BAIAP2L1: variants seen among roughly 807,000 people sequenced by gnomAD.
BAIAP2L1 encodes the protein BAR/IMD domain-containing adapter protein 2-like 1.
A neutral mutation model predicts 66.3 loss-of-function variants in BAIAP2L1; 35 were observed. That is an observed-to-expected ratio of 0.53 (90% confidence interval 0.40 to 0.70). The LOEUF (loss-of-function observed/expected upper bound fraction) is 0.70. Among genes scored for constraint, BAIAP2L1 ranks in the 30% least tolerant of loss-of-function variants. The probability of loss-of-function intolerance (pLI) is 0.00; values close to 1 mark genes in which losing one functional copy is unlikely to be tolerated. For missense variants in BAIAP2L1, 622 were observed against 656.9 expected, an observed-to-expected ratio of 0.95 and a Z score of 0.58; for synonymous variants, 269 against 248.7, an observed-to-expected ratio of 1.08 and a Z score of -0.77.
intron 1 of BAIAP2L1, among the ~76,000 whole-genome samples, chr7:98,371,301 T>C (rs569953991): frequency 6.6e-6 from 1 of 152,280 alleles, no homozygotes; most frequent in Admixed American, 6.5e-5. Flanking sequence ...TGAGTTTCAT[T>C]TCCATCCAGG....
chr7:98,358,363 T>TG (rs1275854886), intron 2 of BAIAP2L1, among the ~76,000 whole-genome samples: 25 of 151,746 alleles, frequency 1.6e-4, no homozygotes, highest in East Asian at 1.5e-3. Flanking sequence ...GTTTTTTGTT[T>TG]TTTTTTTTTT....
chr7:98,386,345 T>G (rs1323956274), intron 1 of BAIAP2L1: 2 of 1,593,628 alleles, frequency 1.3e-6, no homozygotes, highest in African/African-American at 2.7e-5. Context: ...ATTTTCTAAA[T>G]GCAACTTCAT....
chr7:98,360,317 A>G (rs1444104157), intron 2 of BAIAP2L1, among the ~76,000 whole-genome samples: 3 of 152,176 alleles, frequency 2.0e-5, no homozygotes, highest in Admixed American at 6.5e-5. Context: ...TGCTGGAATT[A>G]CAGGCACGAG....
At chr7:98,368,464 G>A (rs1179534073) in intron 1 of BAIAP2L1, among the ~76,000 whole-genome samples, 4 of 151,814 alleles carry the variant, frequency 2.6e-5, no homozygotes, top group Admixed American at 1.3e-4. Context: ...AGGCCGAGGC[G>A]GGTGGATCAC....
At position 98,393,131 on chromosome 7, in the gene BAIAP2L1, A is replaced by ATATG. The variant is rs1562795990; in HGVS notation, c.51+7670_51+7671insCATA. Among the ~76,000 whole-genome samples the ATATG allele has an allele frequency of 7.1e-5, 7 of 98,294 alleles. 2 individuals carry two copies. In the South Asian group the frequency reaches 1.9e-3, roughly 27 times the overall value. 64.5% of individuals were successfully genotyped at this position (98,294 alleles called of 152,430 possible). On this transcript the variant is annotated intron_variant, in intron 1 of 13. Transcript: ENST00000005260. ...TATATGTACACATATATGTATATATACACACATATGTGTACATATATATGT... is the reference window on the plus strand; with the variant it reads ...TATATGTACACATATATGTATATATATATGCACACATATGTGTACATATATATGT...
At chr7:98,362,494 T>C (rs1276937510) in intron 1 of BAIAP2L1, 62 bp from the exon 2 acceptor site, 19 of 1,441,508 alleles carry the variant, frequency 1.3e-5, no homozygotes, top group Non-Finnish European at 5.8e-6. Context: ...CATCTTCAGA[T>C]TTTGTCACTG....
intron 3 of BAIAP2L1, among the ~76,000 whole-genome samples, chr7:98,337,460 A>G (rs1801640692): frequency 6.6e-6 from 1 of 152,174 alleles, no homozygotes; most frequent in Non-Finnish European, 1.5e-5. Context: ...TGAACTCCTG[A>G]TCTCAAGTGA....
At chr7:98,347,367 T>C (rs1801894874) in intron 3 of BAIAP2L1, among the ~76,000 whole-genome samples, 1 of 152,224 alleles carries the variant, frequency 6.6e-6, no homozygotes, top group Non-Finnish European at 1.5e-5. Context: ...AACAACGTAA[T>C]TTTGCAGTAT....
chr7:98,349,198 T>C (rs2115668004), intron 3 of BAIAP2L1, among the ~76,000 whole-genome samples: 1 of 152,274 alleles, frequency 6.6e-6, no homozygotes, highest in African/African-American at 2.4e-5. Context: ...CCTTAGGGCC[T>C]ATCAGCCACC....
chr7:98,342,708 G>A lies in BAIAP2L1; in HGVS notation c.214+12334C>T, dbSNP rs192827697. Among the ~76,000 whole-genome samples the A allele has an allele frequency of 3.3e-5, 5 of 152,268 alleles. No individual in the cohort carries two copies. In the East Asian group the frequency reaches 9.7e-4, roughly 29 times the overall value. ...AAGTCTTATTTCCTGAGAAGTCAAT[G>A]AGAACATCCTTTATTTTTCTCTGCT... On this transcript the variant is annotated intron_variant, in intron 3 of 13. Coordinates refer to ENST00000005260, the MANE Select transcript of BAIAP2L1 (RefSeq NM_018842.5).
intron 1 of BAIAP2L1, among the ~76,000 whole-genome samples, chr7:98,367,956 C>T (rs1802425273): frequency 6.6e-6 from 1 of 151,572 alleles, no homozygotes; most frequent in Non-Finnish European, 1.5e-5. Context: ...TTTTATCATA[C>T]ATGTAGGTTG....
rs149032158 is a variant in BAIAP2L1, at chr7:98,315,591, G to A, written c.508C>T (p.Arg170Cys). 22 of 1,456,970 alleles carry A rather than the reference G, an allele frequency of 1.5e-5. No individual in the cohort carries two copies. The highest frequency in any genetic ancestry group is 4.6e-5 in the South Asian group (3 of 64,582). The allele number at this position is 1,456,970 out of a possible 1,614,324, so 90.3% of individuals were successfully genotyped here. Residue 170 changes from arginine (R) to cysteine (C), a missense_variant, in exon 7 of 14, where the codon CGT becomes TGT. Physicochemically the swap from Arg to Cys is radical, Grantham distance 180 (BLOSUM62 -3). Transcript: ENST00000005260. ...ATGAATTTCTGGATTTCACTCTGAC[G>A]AGAAGTAACGGTCTCCACATACTAA... is the stretch of plus-strand genomic sequence containing the variant. ...EIEYVETVTS[R>C]QSEIQKFIAD...
At chr7:98,388,283 C>T (rs537805783) in intron 1 of BAIAP2L1, among the ~76,000 whole-genome samples, 5 of 152,288 alleles carry the variant, frequency 3.3e-5, no homozygotes, top group Admixed American at 2.0e-4. Context: ...ATACAACCAT[C>T]GGGGATGACA....
chr7:98,329,536 GGGTGGGA>G (rs1801447441), intron 3 of BAIAP2L1, among the ~76,000 whole-genome samples: 1 of 152,060 alleles, frequency 6.6e-6, no homozygotes, highest in Non-Finnish European at 1.5e-5. Flanking sequence ...CTGGTAGAGG[GGGTGGGA>G]GGTAAACATT....
In BAIAP2L1 at chr7:98,400,911, G is replaced by A; in HGVS notation, c.-59C>T. Reference sequence around the variant, plus strand: ...ACGCGGCTGGGCCTCGTGGCCGCCGGACTCCGGGCAGCGGGAGGGCCGGGG... The same window carrying A: ...ACGCGGCTGGGCCTCGTGGCCGCCGAACTCCGGGCAGCGGGAGGGCCGGGG... On this transcript the variant is annotated 5_prime_UTR_variant, in exon 1 of 14. Transcript: ENST00000005260. The A allele has an allele frequency of 6.8e-7, 1 of 1,466,906 alleles. No homozygotes were observed. The highest frequency in any genetic ancestry group is 2.8e-5 in the East Asian group (1 of 35,624). 90.9% of individuals were successfully genotyped at this position (1,466,906 alleles called of 1,614,324 possible).
At chr7:98,359,562 C>T (rs1802217344) in intron 2 of BAIAP2L1, among the ~76,000 whole-genome samples, 2 of 152,164 alleles carry the variant, frequency 1.3e-5, no homozygotes, top group East Asian at 1.9e-4. Flanking sequence ...TGAGCCATCG[C>T]GCCCGGCCGA....
intron 12 of BAIAP2L1, among the ~76,000 whole-genome samples, chr7:98,297,282 G>A (rs1170514369): frequency 6.6e-5 from 10 of 152,356 alleles, no homozygotes; most frequent in Admixed American, 3.9e-4. Flanking sequence ...CCCCCTTCCC[G>A]ACTGTACGGA....
chr7:98,317,495 G>A lies in BAIAP2L1; in HGVS notation c.349-139C>T. The A allele has an allele frequency of 2.7e-6, 3 of 1,094,392 alleles. 1 individual carries two copies. The South Asian group carries it at 4.4e-5, about 16-fold the overall frequency. 67.8% of individuals were successfully genotyped at this position (1,094,392 alleles called of 1,614,324 possible). ...CTTCACACCATCCTCACACTGGCTG[G>A]GGCCCCCACACCCACACCAGTTCAC... On this transcript the variant is annotated intron_variant, in intron 5 of 13. Transcript: ENST00000005260.
chr7:98,345,318 T>C (rs1389575795), intron 3 of BAIAP2L1, among the ~76,000 whole-genome samples: 3 of 152,214 alleles, frequency 2.0e-5, no homozygotes, highest in East Asian at 3.8e-4. Context: ...AACTGCTTTA[T>C]AAATGACAAA....
Sources: gnomAD v4.1 joint callset for allele counts (sites outside exome capture counted in the v4.1 genomes callset) on GRCh38, gnomAD v4.1.1 for gene constraint, MANE v1.5 for transcripts, NCBI Gene and HGNC (gene_info 2026-07-23, HGNC 2026-07-21) for gene names.